Variants in SERPINB13 observed in about 807,000 individuals in gnomAD.
The protein encoded by SERPINB13 is serpin family B member 13.
In SERPINB13, 26 loss-of-function variants were observed where a neutral mutation model predicts 31.2. That is an observed-to-expected ratio of 0.83 (90% confidence interval 0.61 to 1.15). The LOEUF is 1.15. SERPINB13 is among the 50% of genes most tolerant of loss of function. SERPINB13 has a pLI of 0.00. For missense variants in SERPINB13, 510 were observed against 469.4 expected (o/e 1.09, Z -0.80); for synonymous variants, 191 against 172.4 (o/e 1.11, Z -0.85).
intron 6 of SERPINB13, among the ~76,000 whole-genome samples, chr18:63,594,756 T>C (rs539722815): frequency 1.3e-5 from 2 of 152,194 alleles, no homozygotes; most frequent in East Asian, 3.9e-4. Context: ...GGACAATTGC[T>C]TGAACCCGGG....
intron 5 of SERPINB13, chr18:63,594,152 T>G (rs751010092): frequency 7.4e-6 from 11 of 1,479,554 alleles, no homozygotes; most frequent in Non-Finnish European, 1.0e-5. Flanking sequence ...GAACCTTAAT[T>G]TATCCACTGG....
chr18:63,589,332 TA>T (rs1175206017), intron 2 of SERPINB13, among the ~76,000 whole-genome samples: 1 of 151,986 alleles, frequency 6.6e-6, no homozygotes, highest in African/African-American at 2.4e-5. Flanking sequence ...GGCAGGTGCT[TA>T]TAATCCCAGC....
chr18:63,592,559 C>T (rs566207489), intron 4 of SERPINB13, 83 bp downstream of exon 4: 17 of 1,394,196 alleles, frequency 1.2e-5, no homozygotes, highest in East Asian at 4.6e-5. Flanking sequence ...GTCCTGAAGT[C>T]GTGCTGCCTG....
chr18:63,588,135 A>G (rs1222585227), intron 1 of SERPINB13, among the ~76,000 whole-genome samples: 4 of 152,206 alleles, frequency 2.6e-5, no homozygotes, highest in Non-Finnish European at 5.9e-5. Flanking sequence ...TTTTGAATCA[A>G]TTGAGAAATA....
chr18:63,588,001 A>G (rs1911611241), intron 1 of SERPINB13, among the ~76,000 whole-genome samples: 2 of 152,238 alleles, frequency 1.3e-5, no homozygotes, highest in Non-Finnish European at 2.9e-5. Context: ...ATCTCCACCT[A>G]ATAATTCATG....
intron 3 of SERPINB13, among the ~76,000 whole-genome samples, chr18:63,591,538 A>G (rs1232111740): frequency 6.6e-6 from 1 of 151,918 alleles, no homozygotes; most frequent in Admixed American, 6.6e-5. Context: ...GAGTTTATCC[A>G]GTCCCAAGCT....
chr18:63,596,616 T>A (rs918145053), intron 7 of SERPINB13, among the ~76,000 whole-genome samples: 2 of 152,184 alleles, frequency 1.3e-5, no homozygotes, highest in African/African-American at 4.8e-5. Flanking sequence ...TCAAATAAAA[T>A]GGACATTCAC....
rs779555692 is a variant in SERPINB13, at chr18:63,592,460, C to T, written c.338C>T (p.Thr113Ile). Residue 113 changes from threonine to isoleucine, a missense_variant, in exon 4 of 8, where the codon ACA (threonine) becomes ATA (isoleucine). Transcript: ENST00000344731. ...NITNRLFGEKTYLFLQKYLDY... is the reference protein window; with the variant it reads ...NITNRLFGEKIYLFLQKYLDY... Reference sequence around the variant, plus strand: ...ACCAACAGGCTGTTTGGAGAAAAAACATACCTCTTCCTTCAAGTAAGTTTG... The same window carrying T: ...ACCAACAGGCTGTTTGGAGAAAAAATATACCTCTTCCTTCAAGTAAGTTTG... 1.9e-6 allele frequency: 3 copies of T among 1,613,240 alleles called. No individual in the cohort carries two copies. The highest frequency in any genetic ancestry group is 1.7e-5 in the Admixed American group (1 of 59,864).
intron 7 of SERPINB13, among the ~76,000 whole-genome samples, chr18:63,595,661 A>G (rs1418284951): frequency 4.6e-5 from 7 of 152,108 alleles, no homozygotes; most frequent in African/African-American, 1.7e-4. Flanking sequence ...GCACTTTAGG[A>G]GGCTGAGGCG....
chr18:63,597,287 A>G lies in SERPINB13; in HGVS notation c.1100A>G (p.Asn367Ser). ...SAPGHENVHCNHPFLFFIRHN... is the reference protein window; with the variant it reads ...SAPGHENVHCSHPFLFFIRHN... ...CCAGGTCATGAAAATGTTCACTGCAATCATCCCTTCCTGTTCTTCATCAGG... is the reference window on the plus strand; with the variant it reads ...CCAGGTCATGAAAATGTTCACTGCAGTCATCCCTTCCTGTTCTTCATCAGG... The change falls in exon 8 of 8, where the codon AAT becomes AGT. Residue 367 changes from asparagine (N) to serine (S), a missense_variant. Physicochemically the swap from Asn to Ser is conservative, Grantham distance 46. Transcript: ENST00000344731. The G allele has an allele frequency of 6.2e-7, 1 of 1,614,182 alleles. No individual in the cohort carries two copies. The highest frequency in any genetic ancestry group is 8.5e-7 in the Non-Finnish European group (1 of 1,180,048).
chr18:63,595,967 G>A (rs1251788991), intron 7 of SERPINB13, among the ~76,000 whole-genome samples: 5 of 151,848 alleles, frequency 3.3e-5, no homozygotes, highest in African/African-American at 1.2e-4. Flanking sequence ...CTAGTGTCCT[G>A]TATTTTGAAA....
intron 5 of SERPINB13, among the ~76,000 whole-genome samples, chr18:63,593,392 T>C (rs1018837918): frequency 1.3e-5 from 2 of 152,174 alleles, no homozygotes; most frequent in Non-Finnish European, 2.9e-5. Flanking sequence ...TGAGTTTTTC[T>C]CTGTCTGTGT....
Position 63,595,098 on chromosome 18 carries a change from C to A in SERPINB13, c.685C>A (p.Gln229Lys). 1 of 1,614,098 alleles carries A rather than the reference C, an allele frequency of 6.2e-7. No homozygotes were observed. Among genetic ancestry groups the A allele is most frequent in the Non-Finnish European group, 8.5e-7 (1 of 1,179,994 alleles). Residue 229 changes from glutamine (Q) to lysine (K), a missense_variant, in exon 7 of 8, where the codon CAG becomes AAG. Gln to Lys is a moderately conservative substitution (Grantham distance 53). Coordinates refer to ENST00000344731, the MANE Select transcript of SERPINB13 (RefSeq NM_012397.4). ...TAGCTTCACTTTCCTGGAGGACTTG[C>A]AGGCCAAAATTCTAGGGATTCCATA... ...SFSFTFLEDL[Q>K]AKILGIPYKN...
intron 3 of SERPINB13, among the ~76,000 whole-genome samples, chr18:63,592,130 C>A (rs1373701382): frequency 6.6e-6 from 1 of 152,138 alleles, no homozygotes; most frequent in Non-Finnish European, 1.5e-5. Context: ...GTTGGGCTGG[C>A]AGAGAAGGCT....
chr18:63,588,133 C>A (rs74511265), intron 1 of SERPINB13, among the ~76,000 whole-genome samples: 8 of 152,254 alleles, frequency 5.3e-5, no homozygotes, highest in Non-Finnish European at 8.8e-5. Context: ...AATTTTGAAT[C>A]AATTGAGAAA....
intron 4 of SERPINB13, 127 bp downstream of exon 4, chr18:63,592,603 C>G: frequency 1.0e-6 from 1 of 988,976 alleles, no homozygotes; most frequent in Non-Finnish European, 1.5e-6. Flanking sequence ...CTTTTCCATC[C>G]TGATCTACAG....
chr18:63,592,606 A>T, intron 4 of SERPINB13, 130 bp downstream of exon 4: 1 of 964,542 alleles, frequency 1.0e-6, no homozygotes, highest in Non-Finnish European at 1.5e-6. Flanking sequence ...TTCCATCCTG[A>T]TCTACAGATA....
Position 63,597,646 on chromosome 18 carries a change from T to C in SERPINB13, c.*283T>C. 6.0e-6 allele frequency: 2 copies of C among 334,530 alleles called. No homozygotes were observed. The highest frequency in any genetic ancestry group is 1.1e-5 in the Non-Finnish European group (2 of 181,598). The allele number at this position is 334,530 out of a possible 1,614,324, so 20.7% of individuals were successfully genotyped here. A position where few individuals can be genotyped will look rare whatever the true frequency, so the allele number is the denominator to read the frequency against. ...AAAGTAAATTGGTATCTTGTAGTTT[T>C]GTGCACACGAAAGGAGAGAAAGTCT... On this transcript the variant is annotated 3_prime_UTR_variant, in exon 8 of 8. Transcript: ENST00000344731.
rs1912228974 is a variant in SERPINB13, at chr18:63,597,174, G to A, written c.987G>A (p.Lys329=). 2 of 1,614,202 alleles carry A rather than the reference G, an allele frequency of 1.2e-6. No individual in the cohort carries two copies. The highest frequency in any genetic ancestry group is 1.3e-5 in the African/African-American group (1 of 75,052). The change falls in exon 8 of 8, where the codon AAG becomes AAA. Residue 329 remains lysine, a synonymous_variant. Transcript: ENST00000344731. ...CAGGCTCCGGGTTGTACGCCCAGAA[G>A]TTCCTGCACAGTTCCTTTGTGGCAG... The part of the protein sequence containing the change: ...MSSGSGLYAQ[K]FLHSSFVAVT...
Sources: gnomAD v4.1 joint callset for allele counts (sites outside exome capture counted in the v4.1 genomes callset) on GRCh38, gnomAD v4.1.1 for gene constraint, MANE v1.5 for transcripts, NCBI Gene and HGNC (gene_info 2026-07-23, HGNC 2026-07-21) for gene names.